TSPEAR: variants seen among roughly 807,000 people sequenced by gnomAD.
TSPEAR encodes thrombospondin-type laminin G domain and EAR repeat-containing protein.
TSPEAR carries 69 observed loss-of-function variants against 71.6 expected under a neutral mutation model. The ratio of observed to expected loss-of-function variants is 0.96; its 90% CI spans 0.79 to 1.18. The LOEUF is 1.18. Ranked by LOEUF, TSPEAR falls within the 50% of genes most tolerant of loss-of-function variation. The pLI is 0.00. For synonymous variants in TSPEAR, 402 were observed against 387.2 expected (o/e 1.04, Z -0.45); for missense variants, 971 against 894.9 (o/e 1.09, Z -1.09).
intron 1 of TSPEAR, among the ~76,000 whole-genome samples, chr21:44,575,941 G>A (rs587659682): frequency 9.2e-5 from 14 of 152,290 alleles, no homozygotes; most frequent in South Asian, 4.2e-4. Flanking sequence ...TGGCAAGAAC[G>A]ACAGACAGAG....
chr21:44,567,696 G>C, intron 2 of TSPEAR, 89 bp downstream of exon 2: 2 of 1,125,766 alleles, frequency 1.8e-6, no homozygotes, highest in African/African-American at 3.1e-5. Flanking sequence ...GACAAATGCC[G>C]CCCCTCAACC....
rs150297694 is a variant in TSPEAR at position 44,596,762 on chromosome 21, G to A, written c.83-28757C>T. On this transcript the variant is annotated intron_variant, in intron 1 of 11. Coordinates refer to ENST00000323084, the MANE Select transcript of TSPEAR (RefSeq NM_144991.3). ...TCTCATTTTAAATGGGGCTGAGCAC[G>A]TTTTCTCATTTAAGAACCATGTATA... Among the ~76,000 whole-genome samples, 46 of 152,290 alleles carry A rather than the reference G, an allele frequency of 3.0e-4. 1 individual carries two copies. In the East Asian group the frequency reaches 6.2e-3, roughly 20 times the overall value.
intron 1 of TSPEAR, among the ~76,000 whole-genome samples, chr21:44,603,339 C>T (rs587699447): frequency 4.1e-4 from 63 of 152,338 alleles, no homozygotes; most frequent in Non-Finnish European, 1.5e-4. Context: ...CCAGGCTTTG[C>T]GTCACTGGCT....
chr21:44,628,825 G>A (rs1241444920), intron 1 of TSPEAR, among the ~76,000 whole-genome samples: 9 of 152,198 alleles, frequency 5.9e-5, no homozygotes, highest in Admixed American at 5.2e-4. Flanking sequence ...CTGGCCTCCT[G>A]TGGACACTCA....
intron 2 of TSPEAR, chr21:44,558,374 G>A (rs782804888): frequency 2.5e-6 from 4 of 1,613,588 alleles, no homozygotes; most frequent in Middle Eastern, 1.7e-4. Flanking sequence ...CAGGCTTGCA[G>A]CAGACGGGCA....
At chr21:44,648,576 G>A (rs1601528163) in intron 1 of TSPEAR, among the ~76,000 whole-genome samples, 1 of 152,192 alleles carries the variant, frequency 6.6e-6, no homozygotes, top group South Asian at 2.1e-4. Flanking sequence ...AGGGGGAGAT[G>A]TTTCCACCTC....
At chr21:44,677,752 A>G in intron 1 of TSPEAR, 1 of 1,356,808 alleles carries the variant, frequency 7.4e-7, no homozygotes, top group Non-Finnish European at 1.1e-6. Flanking sequence ...GATACACTAG[A>G]GATTTTTAGT....
intron 1 of TSPEAR, among the ~76,000 whole-genome samples, chr21:44,613,994 C>T (rs1465009517): frequency 2.0e-5 from 3 of 151,842 alleles, no homozygotes; most frequent in Non-Finnish European, 4.4e-5. Flanking sequence ...CCTCCTCCCA[C>T]CCTGCCCAGC....
At chr21:44,610,412 C>T (rs925388735) in intron 1 of TSPEAR, among the ~76,000 whole-genome samples, 21 of 152,358 alleles carry the variant, frequency 1.4e-4, no homozygotes, top group African/African-American at 4.1e-4. Context: ...AGGGTGGAAG[C>T]CCCAAGCCTT....
At chr21:44,697,173 G>T in intron 1 of TSPEAR, 1 of 1,604,506 alleles carries the variant, frequency 6.2e-7, no homozygotes, top group Non-Finnish European at 8.5e-7. Context: ...AGCTCCCCCA[G>T]CTCAACCCCC....
chr21:44,678,005 A>G (rs2838629), intron 1 of TSPEAR: 663,366 of 938,544 alleles, frequency 0.71, 235,903 homozygotes, highest in Middle Eastern at 0.81. Context: ...CGGCATGGTC[A>G]CAGTGGACGG....
At position 44,534,030 on chromosome 21, in the gene TSPEAR, C is replaced by CAGGGGCTGACTGG. The variant is rs1285315270; in HGVS notation, c.304-120_304-108dup. Reference sequence around the variant, plus strand: ...TGATGAGCACAGGTGGTGAGAGGAGCAGGGGCTGACTGGAGGGGCGAGGTG... The same window carrying CAGGGGCTGACTGG: ...TGATGAGCACAGGTGGTGAGAGGAGCAGGGGCTGACTGGAGGGGCTGACTGGAGGGGCGAGGTG... On this transcript the variant is annotated intron_variant, in intron 2 of 11. Transcript: ENST00000323084. The CAGGGGCTGACTGG allele has an allele frequency of 4.9e-6, 4 of 812,562 alleles. No individual in the cohort carries two copies. The East Asian group carries it at 1.1e-4, about 22-fold the overall frequency. The allele number at this position is 812,562 out of a possible 1,614,324, so 50.3% of individuals were successfully genotyped here.
chr21:44,637,679 T>C (rs1344192418), intron 1 of TSPEAR: 1 of 1,541,198 alleles, frequency 6.5e-7, no homozygotes, highest in Non-Finnish European at 8.8e-7. Context: ...CTGCACCTCC[T>C]CCCCCTGCCA....
At chr21:44,601,727 G>C (rs1163588316) in intron 1 of TSPEAR, 1 of 1,610,108 alleles carries the variant, frequency 6.2e-7, no homozygotes, top group Non-Finnish European at 8.5e-7. Flanking sequence ...CAGAAGTCCA[G>C]CTGCTGAGTG....
At chr21:44,505,157 C>T (rs2052163748) in intron 10 of TSPEAR, among the ~76,000 whole-genome samples, 1 of 152,176 alleles carries the variant, frequency 6.6e-6, no homozygotes, top group South Asian at 2.1e-4. Flanking sequence ...CGGCTCACGG[C>T]AACCTCTGCC....
At chr21:44,550,095 G>A (rs1328286831) in intron 2 of TSPEAR, among the ~76,000 whole-genome samples, 4 of 152,274 alleles carry the variant, frequency 2.6e-5, no homozygotes, top group East Asian at 1.9e-4. Context: ...CCCACAGTGC[G>A]TGGGGCGTTG....
intron 11 of TSPEAR, among the ~76,000 whole-genome samples, chr21:44,502,060 T>C (rs1331174841): frequency 6.6e-6 from 1 of 152,244 alleles, no homozygotes; most frequent in Non-Finnish European, 1.5e-5. Flanking sequence ...TCAATAATTC[T>C]GCATCATCAC....
intron 1 of TSPEAR, among the ~76,000 whole-genome samples, chr21:44,683,486 T>A (rs1460236701): frequency 1.4e-5 from 2 of 141,610 alleles, no homozygotes; most frequent in African/African-American, 5.4e-5. Flanking sequence ...GGCAACATAG[T>A]GAGACTCTGT....
intron 1 of TSPEAR, among the ~76,000 whole-genome samples, chr21:44,582,712 G>A (rs1979065909): frequency 6.6e-6 from 1 of 152,226 alleles, no homozygotes. Flanking sequence ...CAGTGGAGAC[G>A]TGTCTTTTTG....
Sources: allele counts gnomAD v4.1 joint callset (sites outside exome capture counted in the v4.1 genomes callset), GRCh38; gene constraint gnomAD v4.1.1; transcripts MANE v1.5; gene names NCBI Gene and HGNC (gene_info 2026-07-23, HGNC 2026-07-21).